TMED5: variants seen among roughly 807,000 people sequenced by gnomAD.
TMED5 encodes transmembrane p24 trafficking protein 5, also known as transmembrane emp24 domain-containing protein 5.
Under a neutral mutation model 23.0 loss-of-function variants are expected in TMED5, and 27 were observed. The observed-to-expected ratio is 1.17, with a 90% CI of 0.86 to 1.62. TMED5 has a LOEUF of 1.62. Ranked by LOEUF, TMED5 falls within the 40% of genes most tolerant of loss-of-function variation. The pLI, the probability that TMED5 is intolerant of heterozygous loss-of-function variation, is 0.00. For missense variants in TMED5, 248 were observed against 273.7 expected, an observed-to-expected ratio of 0.91 and a Z score of 0.66; for synonymous variants, 97 against 100.8, an observed-to-expected ratio of 0.96 and a Z score of 0.23.
At chr1:93,157,385 A>T (rs1032802691) in intron 2 of TMED5, among the ~76,000 whole-genome samples, 1 of 152,156 alleles carries the variant, frequency 6.6e-6, no homozygotes, top group African/African-American at 2.4e-5. Context: ...AAAATGAATA[A>T]TATCTGAATT....
chr1:93,163,596 G>T (rs1648373981), intron 1 of TMED5, among the ~76,000 whole-genome samples: 1 of 151,748 alleles, frequency 6.6e-6, no homozygotes, highest in Non-Finnish European at 1.5e-5. Flanking sequence ...GCCCATCTCA[G>T]CCTTCCAAAG....
intron 1 of TMED5, among the ~76,000 whole-genome samples, chr1:93,166,268 T>G (rs1462635233): frequency 2.0e-5 from 3 of 152,240 alleles, no homozygotes; most frequent in African/African-American, 7.2e-5. Flanking sequence ...TTCTTTCTTT[T>G]GGGTATATAC....
At position 93,154,715 on chromosome 1, in the gene TMED5, A is replaced by G; in HGVS notation, c.645T>C (p.Tyr215=). ...VMVVVSAIQV[Y]MLKSLFEDKR... ...TATCTTCAAACAGACTCTTCAGCAT[A>G]TAAACTTGAATGGCTGACACCACCA... The change falls in exon 4 of 4, where the codon TAT becomes TAC. Residue 215 remains tyrosine (Y), a synonymous_variant. Coordinates refer to ENST00000370282, the MANE Select transcript of TMED5 (RefSeq NM_016040.5). The G allele has an allele frequency of 1.2e-6, 2 of 1,614,040 alleles. No individual in the cohort carries two copies. The highest frequency in any genetic ancestry group is 8.5e-7 in the Non-Finnish European group (1 of 1,180,006).
chr1:93,151,719 G>A lies in TMED5; in HGVS notation c.*2951C>T, dbSNP rs1344019130. 1 of 152,298 alleles carries A rather than the reference G, an allele frequency of 6.6e-6. No homozygotes were observed. The highest frequency in any genetic ancestry group is 1.9e-4 in the East Asian group (1 of 5,182). The allele number at this position is 152,298 out of a possible 1,614,324, so 9.4% of individuals were successfully genotyped here. ...AGAAACAGAACTCCAATGCAAAGTA[G>A]AGTGATGTACAATAAGAGGTGTAGA... On this transcript the variant is annotated 3_prime_UTR_variant, in exon 4 of 4. Coordinates refer to ENST00000370282, the MANE Select transcript of TMED5 (RefSeq NM_016040.5).
chr1:93,152,289 A>G lies in TMED5; in HGVS notation c.*2381T>C, dbSNP rs1647908227. 6.6e-6 allele frequency: 1 copy of G among 152,586 alleles called. No individual in the cohort carries two copies. The highest frequency in any genetic ancestry group is 1.5e-5 in the Non-Finnish European group (1 of 68,014). The allele number at this position is 152,586 out of a possible 1,614,324, so 9.5% of individuals were successfully genotyped here. A position where few individuals can be genotyped will look rare whatever the true frequency, so the allele number is the denominator to read the frequency against. On this transcript the variant is annotated 3_prime_UTR_variant, in exon 4 of 4. Coordinates refer to ENST00000370282, the MANE Select transcript of TMED5 (RefSeq NM_016040.5). ...ATATTGTAGTATTTTTAAAATTTGT[A>G]TATTGAAAAAGACAAAATGAGCTGT...
In TMED5 at chr1:93,180,212, C is replaced by T. The variant is rs1377324869; in HGVS notation, c.31G>A (p.Val11Met). 1.9e-6 allele frequency: 3 copies of T among 1,612,490 alleles called. No homozygotes were observed. The highest frequency in any genetic ancestry group is 2.2e-5 in the South Asian group (2 of 91,042). The change falls in exon 1 of 4, where the codon GTG becomes ATG. Residue 11 changes from valine to methionine, a missense_variant. By Grantham distance (21) the Val-to-Met change is conservative. Coordinates refer to ENST00000370282, the MANE Select transcript of TMED5 (RefSeq NM_016040.5). Reference protein sequence around the residue: MGDKIWLPFPVLLLAALPPVL... With the variant: MGDKIWLPFPMLLLAALPPVL... ...GGAGGCAGAGCGGCCAGAAGGAGCACGGGGAAGGGCAGCCAGATCTTGTCG... is the reference window on the plus strand; with the variant it reads ...GGAGGCAGAGCGGCCAGAAGGAGCATGGGGAAGGGCAGCCAGATCTTGTCG...
chr1:93,156,564 T>A, intron 2 of TMED5, 81 bp from the exon 3 acceptor site: 1 of 1,147,752 alleles, frequency 8.7e-7, no homozygotes, highest in Non-Finnish European at 1.3e-6. Context: ...AAATAAGAAG[T>A]AACAGGCTGA....
intron 2 of TMED5, among the ~76,000 whole-genome samples, chr1:93,156,739 T>C (rs1382374106): frequency 5.5e-5 from 8 of 146,380 alleles, no homozygotes; most frequent in Non-Finnish European, 1.0e-4. Context: ...GCCCGGAAGG[T>C]TGAAGATGCA....
intron 1 of TMED5, 162 bp downstream of exon 1, chr1:93,179,892 C>G: frequency 3.0e-6 from 2 of 675,300 alleles, no homozygotes; most frequent in Non-Finnish European, 4.7e-6. Context: ...CAGCGAGAGC[C>G]TCGCCTCGCC....
At chr1:93,171,938 A>C (rs1352027445) in intron 1 of TMED5, among the ~76,000 whole-genome samples, 7 of 152,254 alleles carry the variant, frequency 4.6e-5, no homozygotes, top group Non-Finnish European at 8.8e-5. Flanking sequence ...TCACATCAAC[A>C]GGCTAAGGAA....
Position 93,169,918 on chromosome 1 carries a change from C to CACACACACAA in TMED5, c.190-9693_190-9692insTTGTGTGTGT, listed in dbSNP as rs948626908. 4.0e-5 allele frequency among the ~76,000 whole-genome samples: 6 copies of CACACACACAA among 151,292 alleles called. No homozygotes were observed. The East Asian group carries it at 7.8e-4, about 20-fold the overall frequency. ...ACACACACACACACACACACACACACAAAATTAGGCAGGCATGGTGGTGCA... is the reference window on the plus strand; with the variant it reads ...ACACACACACACACACACACACACACACACACACAAAAAATTAGGCAGGCATGGTGGTGCA... On this transcript the variant is annotated intron_variant, in intron 1 of 3. Coordinates refer to ENST00000370282, the MANE Select transcript of TMED5 (RefSeq NM_016040.5).
At chr1:93,167,183 G>A (rs924022774) in intron 1 of TMED5, among the ~76,000 whole-genome samples, 21 of 152,250 alleles carry the variant, frequency 1.4e-4, no homozygotes, top group African/African-American at 5.1e-4. Context: ...ATAATTTGAA[G>A]TTAGGTCATG....
chr1:93,177,033 A>C (rs1462708900), intron 1 of TMED5, among the ~76,000 whole-genome samples: 1 of 152,242 alleles, frequency 6.6e-6, no homozygotes, highest in African/African-American at 2.4e-5. Flanking sequence ...AAACCTAAAA[A>C]GTAAGAAATT....
chr1:93,164,115 T>C (rs1359953822), intron 1 of TMED5, among the ~76,000 whole-genome samples: 1 of 151,986 alleles, frequency 6.6e-6, no homozygotes, highest in Non-Finnish European at 1.5e-5. Flanking sequence ...TGCTGACAAA[T>C]GGGTACTTAA....
intron 1 of TMED5, among the ~76,000 whole-genome samples, chr1:93,164,530 G>GA (rs1557575070): frequency 6.6e-6 from 1 of 152,050 alleles, no homozygotes; most frequent in Non-Finnish European, 1.5e-5. Context: ...AGTCATATGT[G>GA]AAAAAAACAA....
chr1:93,177,099 A>T (rs1001120701), intron 1 of TMED5, among the ~76,000 whole-genome samples: 3 of 152,228 alleles, frequency 2.0e-5, no homozygotes, highest in African/African-American at 7.2e-5. Context: ...ATAAAATTTT[A>T]AAAACTAACT....
In TMED5 at chr1:93,180,306, C is replaced by G. The variant is rs1321172482; in HGVS notation, c.-64G>C. On this transcript the variant is annotated 5_prime_UTR_variant, in exon 1 of 4. Coordinates refer to ENST00000370282, the MANE Select transcript of TMED5 (RefSeq NM_016040.5). ...TACTGTTGTCTCCGCTCCGCGTTTCCTCTCTGGACTCCTCGTGGTTGACAG... is the reference window on the plus strand; with the variant it reads ...TACTGTTGTCTCCGCTCCGCGTTTCGTCTCTGGACTCCTCGTGGTTGACAG... The G allele has an allele frequency of 6.7e-7, 1 of 1,493,672 alleles. No individual in the cohort carries two copies. The highest frequency in any genetic ancestry group is 9.0e-7 in the Non-Finnish European group (1 of 1,115,842). The allele number at this position is 1,493,672 out of a possible 1,614,324, so 92.5% of individuals were successfully genotyped here. A position where few individuals can be genotyped will look rare whatever the true frequency, so the allele number is the denominator to read the frequency against.
chr1:93,178,609 C>T (rs1163072661), intron 1 of TMED5, among the ~76,000 whole-genome samples: 2 of 152,176 alleles, frequency 1.3e-5, no homozygotes, highest in Non-Finnish European at 2.9e-5. Context: ...CACCTCCATG[C>T]ACAATTCCTG....
chr1:93,166,199 T>G (rs1420097811), intron 1 of TMED5, among the ~76,000 whole-genome samples: 1 of 152,262 alleles, frequency 6.6e-6, no homozygotes, highest in Non-Finnish European at 1.5e-5. Flanking sequence ...AAATTTTGGC[T>G]GTTGTGAACA....
Sources: allele counts gnomAD v4.1 joint callset (sites outside exome capture counted in the v4.1 genomes callset), GRCh38; gene constraint gnomAD v4.1.1; transcripts MANE v1.5; gene names NCBI Gene and HGNC (gene_info 2026-07-23, HGNC 2026-07-21).